Variants in CDH11 observed in about 807,000 individuals in gnomAD.
The protein encoded by CDH11 is cadherin 11.
In CDH11, 11 loss-of-function variants were observed where a neutral mutation model predicts 67.8. The observed-to-expected ratio is 0.16, with a 90% CI of 0.10 to 0.27. CDH11 has a LOEUF of 0.27. Among genes scored for constraint, CDH11 ranks in the 10% least tolerant of loss-of-function variants. The pLI is 1.00. For missense variants in CDH11, 847 were observed against 1,031.2 expected (o/e 0.82, Z 2.45); for synonymous variants, 419 against 400.0 (o/e 1.05, Z -0.57).
intron 1 of CDH11, among the ~76,000 whole-genome samples, chr16:65,090,046 G>A (rs1203903923): frequency 1.3e-5 from 2 of 152,100 alleles, no homozygotes; most frequent in Non-Finnish European, 2.9e-5. Flanking sequence ...ACTTTTTGAT[G>A]ACATGGTGTG....
chr16:64,949,550 C>G (rs2071299645), intron 12 of CDH11, among the ~76,000 whole-genome samples: 2 of 151,866 alleles, frequency 1.3e-5, no homozygotes, highest in African/African-American at 2.4e-5. Context: ...CCTCAGCCTC[C>G]CAAGTAGCTG....
At chr16:65,114,825 T>C (rs2075215873) in intron 1 of CDH11, among the ~76,000 whole-genome samples, 1 of 152,138 alleles carries the variant, frequency 6.6e-6, no homozygotes, top group Non-Finnish European at 1.5e-5. Flanking sequence ...GAGGACTCCG[T>C]TATTTTTAGC....
At chr16:65,036,510 A>G (rs1247207019) in intron 2 of CDH11, among the ~76,000 whole-genome samples, 1 of 152,152 alleles carries the variant, frequency 6.6e-6, no homozygotes, top group Non-Finnish European at 1.5e-5. Context: ...AAATGTCCTG[A>G]TGGAGACAGC....
chr16:64,970,498 A>T (rs1341607397), intron 11 of CDH11, among the ~76,000 whole-genome samples: 1 of 152,190 alleles, frequency 6.6e-6, no homozygotes, highest in African/African-American at 2.4e-5. Flanking sequence ...TCTGTGGAAT[A>T]GGGGTGACAA....
At chr16:65,048,661 CAT>C (rs901112497) in intron 2 of CDH11, among the ~76,000 whole-genome samples, 31 of 151,292 alleles carry the variant, frequency 2.0e-4, no homozygotes, top group African/African-American at 6.8e-4. Flanking sequence ...TCTATATCTA[CAT>C]ATATATACAT....
At chr16:64,996,678 G>C (rs1330997667) in intron 4 of CDH11, among the ~76,000 whole-genome samples, 3 of 152,124 alleles carry the variant, frequency 2.0e-5, no homozygotes, top group Non-Finnish European at 4.4e-5. Flanking sequence ...TAAAGAATAT[G>C]TGGTGTATAT....
intron 1 of CDH11, among the ~76,000 whole-genome samples, chr16:65,068,634 T>C (rs2074362172): frequency 6.6e-6 from 1 of 152,168 alleles, no homozygotes; most frequent in Non-Finnish European, 1.5e-5. Flanking sequence ...TGTAACCTCA[T>C]TAAAGAACTA....
chr16:65,096,409 GTGTGTGTGTGTGT>G (rs2074893118), intron 1 of CDH11, among the ~76,000 whole-genome samples: 20 of 74,170 alleles, frequency 2.7e-4, no homozygotes, highest in Admixed American at 2.5e-3. Flanking sequence ...CTTTCGGGGT[GTGTGTGTGTGTGT>G]GTGTGTGTGT....
chr16:64,948,823 T>G (rs1371255243), intron 12 of CDH11: 1 of 1,428,588 alleles, frequency 7.0e-7, no homozygotes, highest in Non-Finnish European at 9.6e-7. Context: ...ATAAGGAAAG[T>G]TCAGGCACAG....
intron 1 of CDH11, among the ~76,000 whole-genome samples, chr16:65,054,272 T>A (rs772764069): frequency 6.6e-6 from 1 of 152,192 alleles, no homozygotes; most frequent in Non-Finnish European, 1.5e-5. Flanking sequence ...GTATGAAAAC[T>A]TAGAGCCCAT....
intron 1 of CDH11, among the ~76,000 whole-genome samples, chr16:65,056,108 A>T (rs953477694): frequency 2.6e-5 from 4 of 152,234 alleles, no homozygotes; most frequent in Non-Finnish European, 4.4e-5. Context: ...TTGTTATAGC[A>T]GTATAAGCAG....
chr16:65,020,555 TC>T (rs1417240025), intron 2 of CDH11, among the ~76,000 whole-genome samples: 2 of 152,176 alleles, frequency 1.3e-5, no homozygotes, highest in African/African-American at 4.8e-5. Context: ...GGTCTTGAAC[TC>T]CCGACCTCAA....
At position 65,004,948 on chromosome 16, in the gene CDH11, C is replaced by A; in HGVS notation, c.-79G>T. ...TGTACGGTGGTCTTGCTGAGGGTGG[C>A]CTCCCGGACGCGTCACGCAGACCTC... On this transcript the variant is annotated 5_prime_UTR_variant, in exon 3 of 13. Transcript: ENST00000268603. 1 of 1,440,180 alleles carries A rather than the reference C, an allele frequency of 6.9e-7. No homozygotes were observed. The highest frequency in any genetic ancestry group is 9.2e-7 in the Non-Finnish European group (1 of 1,092,160). The allele number at this position is 1,440,180 out of a possible 1,614,324, so 89.2% of individuals were successfully genotyped here.
rs74026219 is a variant in CDH11, at chr16:65,004,923, T to C, written c.-54A>G. 3,784 of 1,455,122 alleles carry C rather than the reference T, an allele frequency of 2.6e-3. 78 individuals carry two copies. The African/African-American group carries it at 0.046, about 18-fold the overall frequency. 90.1% of individuals were successfully genotyped at this position (1,455,122 alleles called of 1,614,324 possible). ...TGCAGCTGTCACCCCTTCCACCAAC[T>C]GTACGGTGGTCTTGCTGAGGGTGGC... On this transcript the variant is annotated 5_prime_UTR_variant, in exon 3 of 13. Coordinates refer to ENST00000268603, the MANE Select transcript of CDH11 (RefSeq NM_001797.4).
At position 64,945,301 on chromosome 16, in the gene CDH11, T is replaced by TAA. The variant is rs3046001; in HGVS notation, c.*2300_*2301dup. Reference sequence around the variant, plus strand: ...AGAGGCTTAACGAAAAAATAAAAGGTAAAAAAAAAAAAAAAAAAGAAAAAG... The same window carrying TAA: ...AGAGGCTTAACGAAAAAATAAAAGGTAAAAAAAAAAAAAAAAAAAAGAAAAAG... On this transcript the variant is annotated 3_prime_UTR_variant, in exon 13 of 13. Coordinates refer to ENST00000268603, the MANE Select transcript of CDH11 (RefSeq NM_001797.4). 1.3e-4 allele frequency: 51 copies of TAA among 388,226 alleles called. No homozygotes were observed. The highest frequency in any genetic ancestry group is 1.6e-4 in the Non-Finnish European group (47 of 289,888). The allele number at this position is 388,226 out of a possible 1,614,324, so 24.0% of individuals were successfully genotyped here. A position where few individuals can be genotyped will look rare whatever the true frequency, so the allele number is the denominator to read the frequency against.
At position 64,947,897 on chromosome 16, in the gene CDH11, C is replaced by A. The variant is rs764812249; in HGVS notation, c.2097G>T (p.Glu699Asp). ...GFIPRKDIKP[E>D]YQYMPRPGLR... ...GCCCAGGTCTAGGCATGTACTGATA[C>A]TCAGGTTTGATGTCTTTGCGGGGGA... Residue 699 changes from glutamate (E) to aspartate (D), a missense_variant, in exon 13 of 13, where the codon GAG (glutamate) becomes GAT (aspartate). By Grantham distance (45) the Glu-to-Asp change is conservative. Coordinates refer to ENST00000268603, the MANE Select transcript of CDH11 (RefSeq NM_001797.4). 1.9e-6 allele frequency: 3 copies of A among 1,614,182 alleles called. No individual in the cohort carries two copies. The Admixed American group carries it at 5.0e-5, about 27-fold the overall frequency.
chr16:65,123,291 G>A (rs2075366506), upstream of CDH11, among the ~76,000 whole-genome samples: 1 of 152,008 alleles, frequency 6.6e-6, no homozygotes, highest in South Asian at 2.1e-4. Flanking sequence ...GACGCCAGTG[G>A]GTGAAGGCTA....
chr16:65,045,549 G>A (rs998632214), intron 2 of CDH11, among the ~76,000 whole-genome samples: 3 of 151,452 alleles, frequency 2.0e-5, no homozygotes, highest in Non-Finnish European at 4.4e-5. Context: ...ATTAATTGGT[G>A]GCAGATTTTA....
At chr16:65,093,020 T>G (rs1169197664) in intron 1 of CDH11, among the ~76,000 whole-genome samples, 2 of 148,442 alleles carry the variant, frequency 1.3e-5, no homozygotes, top group Non-Finnish European at 3.0e-5. Flanking sequence ...CACTGCAACC[T>G]CCGCCTCCCA....
Sources: allele counts gnomAD v4.1 joint callset (sites outside exome capture counted in the v4.1 genomes callset), GRCh38; gene constraint gnomAD v4.1.1; transcripts MANE v1.5; gene names NCBI Gene and HGNC (gene_info 2026-07-23, HGNC 2026-07-21).